The following CCDC178 variants were observed in gnomAD, a reference collection of about 807,000 sequenced individuals.
CCDC178 encodes the protein coiled-coil domain containing 178.
A neutral mutation model predicts 117.4 loss-of-function variants in CCDC178; 126 were observed. The observed-to-expected ratio is 1.07, with a 90% CI of 0.93 to 1.24. CCDC178 has a LOEUF of 1.24. Among genes scored for constraint, CCDC178 ranks in the 50% most tolerant of loss-of-function variants. The probability of loss-of-function intolerance (pLI) is 0.00; values close to 1 mark genes in which losing one functional copy is unlikely to be tolerated. For synonymous variants in CCDC178, 283 were observed against 313.4 expected, an observed-to-expected ratio of 0.90 and a Z score of 1.02; for missense variants, 1,030 against 986.9, an observed-to-expected ratio of 1.04 and a Z score of -0.59.
chr18:33,117,588 G>C (rs1181868450), intron 20 of CCDC178, among the ~76,000 whole-genome samples: 1 of 151,998 alleles, frequency 6.6e-6, no homozygotes, highest in African/African-American at 2.4e-5. Context: ...GGGGAGCGGG[G>C]AGAGGGATAG....
At chr18:33,198,280 C>T (rs1012701116) in intron 20 of CCDC178, among the ~76,000 whole-genome samples, 3 of 152,130 alleles carry the variant, frequency 2.0e-5, no homozygotes, top group Admixed American at 6.5e-5. Context: ...CTCTCTCTCT[C>T]TATCTATCTC....
intron 20 of CCDC178, among the ~76,000 whole-genome samples, chr18:33,168,883 C>T (rs937759867): frequency 6.6e-6 from 1 of 152,166 alleles, no homozygotes; most frequent in Admixed American, 6.5e-5. Context: ...GTTTTGCTTA[C>T]AATTCAGTTA....
At chr18:33,100,475 C>G (rs2057609007) in intron 20 of CCDC178, among the ~76,000 whole-genome samples, 1 of 151,922 alleles carries the variant, frequency 6.6e-6, no homozygotes, top group South Asian at 2.1e-4. Flanking sequence ...ACAAAGCTAA[C>G]TACATCAGGA....
intron 20 of CCDC178, among the ~76,000 whole-genome samples, chr18:33,175,650 C>T (rs1468145975): frequency 6.6e-6 from 1 of 152,178 alleles, no homozygotes; most frequent in African/African-American, 2.4e-5. Context: ...CCTTGACTAC[C>T]TACAGTGATT....
chr18:33,278,032 G>T (rs1377113465), intron 12 of CCDC178, among the ~76,000 whole-genome samples: 4 of 151,902 alleles, frequency 2.6e-5, no homozygotes, highest in African/African-American at 9.7e-5. Context: ...TCCTCTGAGG[G>T]TGCCCACAAA....
intron 20 of CCDC178, among the ~76,000 whole-genome samples, chr18:33,190,348 G>A (rs111257285): frequency 2.7e-4 from 41 of 152,204 alleles, no homozygotes; most frequent in African/African-American, 9.4e-4. Flanking sequence ...CTGTTTCTCA[G>A]ACTGAGTCTT....
chr18:33,326,110 G>T (rs1019571201), intron 10 of CCDC178, among the ~76,000 whole-genome samples: 7 of 152,178 alleles, frequency 4.6e-5, no homozygotes, highest in Non-Finnish European at 1.0e-4. Flanking sequence ...TGGCTACCAG[G>T]TAGGGCTGTG....
intron 11 of CCDC178, among the ~76,000 whole-genome samples, chr18:33,312,606 C>T (rs1368978943): frequency 6.6e-6 from 1 of 152,188 alleles, no homozygotes; most frequent in Non-Finnish European, 1.5e-5. Flanking sequence ...AGCAGCTGGA[C>T]TCAGTTGCTA....
intron 9 of CCDC178, among the ~76,000 whole-genome samples, chr18:33,337,796 C>A (rs557660046): frequency 6.6e-6 from 1 of 152,190 alleles, no homozygotes; most frequent in East Asian, 1.9e-4. Flanking sequence ...TACTTGAAAT[C>A]ATAAAGATTC....
At chr18:33,254,975 A>T (rs1304084387) in intron 14 of CCDC178, among the ~76,000 whole-genome samples, 1 of 152,000 alleles carries the variant, frequency 6.6e-6, no homozygotes, top group Non-Finnish European at 1.5e-5. Context: ...CATGGCAGCA[A>T]ATCCCTCATG....
intron 6 of CCDC178, among the ~76,000 whole-genome samples, chr18:33,364,595 G>A (rs2063174128): frequency 6.6e-6 from 1 of 152,016 alleles, no homozygotes; most frequent in Non-Finnish European, 1.5e-5. Context: ...GACGGAGCAA[G>A]ATCCTTGCAA....
chr18:33,118,597 T>A (rs1303050308), intron 20 of CCDC178, among the ~76,000 whole-genome samples: 1 of 152,038 alleles, frequency 6.6e-6, no homozygotes, highest in Non-Finnish European at 1.5e-5. Flanking sequence ...GAATCAATAT[T>A]GTGAAAATGG....
chr18:33,073,358 T>C (rs1346390536), intron 21 of CCDC178, among the ~76,000 whole-genome samples: 1 of 152,088 alleles, frequency 6.6e-6, no homozygotes, highest in Admixed American at 6.6e-5. Flanking sequence ...CACTTAACTA[T>C]GTACTGTAGC....
chr18:33,083,011 G>A (rs1196657217), intron 21 of CCDC178, among the ~76,000 whole-genome samples: 1 of 152,086 alleles, frequency 6.6e-6, no homozygotes, highest in Non-Finnish European at 1.5e-5. Context: ...TAAACAATCT[G>A]TGAAGTATGC....
chr18:33,348,024 G>A (rs1343777877), intron 8 of CCDC178, among the ~76,000 whole-genome samples: 1 of 151,854 alleles, frequency 6.6e-6, no homozygotes, highest in African/African-American at 2.4e-5. Flanking sequence ...AAACATAATT[G>A]TAGCTAATGG....
intron 6 of CCDC178, among the ~76,000 whole-genome samples, chr18:33,358,276 G>T (rs750200065): frequency 6.6e-6 from 1 of 151,800 alleles, no homozygotes; most frequent in African/African-American, 2.4e-5. Context: ...AATCCCAATA[G>T]ATTTTTTTCA....
At chr18:33,313,726 C>T (rs1485469313) in intron 11 of CCDC178, among the ~76,000 whole-genome samples, 1 of 152,068 alleles carries the variant, frequency 6.6e-6, no homozygotes, top group African/African-American at 2.4e-5. Flanking sequence ...AACCTTAATA[C>T]CCACCCTGCA....
chr18:33,046,261 T>C (rs550243579), intron 21 of CCDC178, among the ~76,000 whole-genome samples: 3 of 152,290 alleles, frequency 2.0e-5, no homozygotes, highest in Admixed American at 2.0e-4. Flanking sequence ...CTAAAAATCT[T>C]AAGGTTTCTT....
At chr18:33,421,572 G>A (rs2064025076) in intron 2 of CCDC178, among the ~76,000 whole-genome samples, 1 of 152,138 alleles carries the variant, frequency 6.6e-6, no homozygotes, top group South Asian at 2.1e-4. Context: ...TTTTTGTCTT[G>A]AGAGCTAGTT....
Sources: allele counts gnomAD v4.1 joint callset (sites outside exome capture counted in the v4.1 genomes callset), GRCh38; gene constraint gnomAD v4.1.1; transcripts MANE v1.5; gene names NCBI Gene and HGNC (gene_info 2026-07-23, HGNC 2026-07-21).